The following PTPRT variants were observed in gnomAD, a reference collection of about 807,000 sequenced individuals.
PTPRT encodes the protein receptor-type tyrosine-protein phosphatase T.
In PTPRT, 56 loss-of-function variants were observed where a neutral mutation model predicts 176.8. The ratio of observed to expected loss-of-function variants is 0.32; its 90% CI spans 0.26 to 0.40. The LOEUF is 0.40. PTPRT is among the 10% of genes least tolerant of loss of function. The probability of loss-of-function intolerance (pLI) is 1.00; values close to 1 mark genes in which losing one functional copy is unlikely to be tolerated. For synonymous variants in PTPRT, 783 were observed against 739.0 expected (o/e 1.06, Z -0.96); for missense variants, 1,540 against 1,908.2 (o/e 0.81, Z 3.60).
intron 7 of PTPRT, among the ~76,000 whole-genome samples, chr20:42,650,405 T>A (rs2075008336): frequency 6.6e-6 from 1 of 152,126 alleles, no homozygotes; most frequent in South Asian, 2.1e-4. Context: ...CTCCTCCATC[T>A]CCCTGGGCTC....
chr20:42,109,605 C>T (rs982556350), intron 23 of PTPRT, among the ~76,000 whole-genome samples: 4 of 152,160 alleles, frequency 2.6e-5, no homozygotes, highest in African/African-American at 4.8e-5. Context: ...TCCACCAAGG[C>T]GCCCTGCTGC....
intron 11 of PTPRT, among the ~76,000 whole-genome samples, chr20:42,317,048 C>T (rs966022405): frequency 3.3e-5 from 5 of 152,148 alleles, no homozygotes; most frequent in African/African-American, 1.2e-4. Context: ...TACTGCCCAG[C>T]AGGATGCCTG....
At chr20:42,703,596 G>A (rs1475154034) in intron 6 of PTPRT, among the ~76,000 whole-genome samples, 2 of 152,078 alleles carry the variant, frequency 1.3e-5, no homozygotes, top group Non-Finnish European at 2.9e-5. Flanking sequence ...TGCAACCCAG[G>A]TTTTATTTAT....
intron 12 of PTPRT, among the ~76,000 whole-genome samples, chr20:42,284,161 A>G (rs6030107): frequency 0.11 from 16,858 of 152,012 alleles, 1,232 homozygotes; most frequent in African/African-American, 0.2. Context: ...AGAACACAAA[A>G]CAGCAGTCTA....
At chr20:42,627,822 A>G (rs977080493) in intron 7 of PTPRT, among the ~76,000 whole-genome samples, 2 of 152,060 alleles carry the variant, frequency 1.3e-5, no homozygotes, top group African/African-American at 4.8e-5. Flanking sequence ...TTCAGAGACA[A>G]AATTTTACAG....
At chr20:42,195,155 T>C (rs1035341863) in intron 16 of PTPRT, among the ~76,000 whole-genome samples, 3 of 151,120 alleles carry the variant, frequency 2.0e-5, no homozygotes, top group African/African-American at 7.3e-5. Flanking sequence ...TAAAGCATAA[T>C]AAAAAAAAGA....
chr20:42,844,865 A>G (rs549193208), intron 2 of PTPRT, among the ~76,000 whole-genome samples: 7 of 152,256 alleles, frequency 4.6e-5, no homozygotes, highest in East Asian at 3.9e-4. Flanking sequence ...GAGGAAACCC[A>G]TGGTCCCTGC....
At chr20:42,138,335 G>C (rs75945062) in intron 18 of PTPRT, among the ~76,000 whole-genome samples, 2 of 152,294 alleles carry the variant, frequency 1.3e-5, no homozygotes, top group East Asian at 3.9e-4. Context: ...ACCCCTTGGT[G>C]GGGTCACCAT....
At chr20:42,664,658 G>A (rs2075282148) in intron 7 of PTPRT, among the ~76,000 whole-genome samples, 1 of 151,992 alleles carries the variant, frequency 6.6e-6, no homozygotes, top group Admixed American at 6.6e-5. Context: ...TTGTAAAGCT[G>A]GGGTCCTGCT....
intron 7 of PTPRT, among the ~76,000 whole-genome samples, chr20:42,596,545 C>T (rs1258475355): frequency 3.3e-5 from 5 of 152,154 alleles, no homozygotes; most frequent in African/African-American, 7.2e-5. Flanking sequence ...AAAATTGTCA[C>T]GTGGAAGAAA....
intron 2 of PTPRT, among the ~76,000 whole-genome samples, chr20:42,831,080 A>G (rs541644941): frequency 2.6e-5 from 4 of 152,358 alleles, no homozygotes; most frequent in African/African-American, 9.6e-5. Flanking sequence ...AGGCAATTCT[A>G]AGCAAAAACA....
At chr20:42,628,131 G>A (rs2145879111) in intron 7 of PTPRT, among the ~76,000 whole-genome samples, 1 of 152,246 alleles carries the variant, frequency 6.6e-6, no homozygotes, top group East Asian at 1.9e-4. Context: ...GAGTGCAGTG[G>A]AGTCAGGAGA....
intron 1 of PTPRT, among the ~76,000 whole-genome samples, chr20:42,887,878 C>A (rs2079127604): frequency 6.6e-6 from 1 of 152,152 alleles, no homozygotes; most frequent in African/African-American, 2.4e-5. Flanking sequence ...TTGGGAGATG[C>A]TTCCAAAGGA....
At chr20:42,249,420 T>C (rs1366207078) in intron 13 of PTPRT, among the ~76,000 whole-genome samples, 3 of 152,228 alleles carry the variant, frequency 2.0e-5, no homozygotes, top group African/African-American at 7.2e-5. Context: ...TTAATACTAA[T>C]GCAACATGCT....
intron 7 of PTPRT, among the ~76,000 whole-genome samples, chr20:42,609,201 G>T (rs2073932826): frequency 6.6e-6 from 1 of 152,004 alleles, no homozygotes; most frequent in Admixed American, 6.6e-5. Flanking sequence ...AGCCTCCTAA[G>T]TAGCTGGTAC....
At chr20:42,847,298 G>C (rs1305814610) in intron 2 of PTPRT, among the ~76,000 whole-genome samples, 16 of 152,154 alleles carry the variant, frequency 1.1e-4, no homozygotes, top group Admixed American at 1.0e-3. Context: ...GCAACCTTCA[G>C]TCAAGACACA....
chr20:42,918,672 T>A (rs560203773), intron 1 of PTPRT, among the ~76,000 whole-genome samples: 11 of 152,214 alleles, frequency 7.2e-5, no homozygotes, highest in Non-Finnish European at 1.3e-4. Context: ...CACATTTTTT[T>A]GACACTGTCT....
At chr20:42,273,162 C>T (rs903454998) in intron 13 of PTPRT, among the ~76,000 whole-genome samples, 1 of 152,074 alleles carries the variant, frequency 6.6e-6, no homozygotes, top group African/African-American at 2.4e-5. Context: ...TAAGTACTTT[C>T]GATACATTTT....
chr20:42,550,211 G>A (rs1601246380), intron 7 of PTPRT, among the ~76,000 whole-genome samples: 1 of 152,180 alleles, frequency 6.6e-6, no homozygotes, highest in Non-Finnish European at 1.5e-5. Flanking sequence ...GGGTACGTAT[G>A]TGACTTTAGG....
Sources: gnomAD v4.1 joint callset for allele counts (sites outside exome capture counted in the v4.1 genomes callset) on GRCh38, gnomAD v4.1.1 for gene constraint, MANE v1.5 for transcripts, NCBI Gene and HGNC (gene_info 2026-07-23, HGNC 2026-07-21) for gene names.